The following PCDH15 variants were observed in gnomAD, a reference collection of about 807,000 sequenced individuals.
The protein encoded by PCDH15 is protocadherin-15.
Under a neutral mutation model 178.5 loss-of-function variants are expected in PCDH15, and 129 were observed. The ratio of observed to expected loss-of-function variants is 0.72; its 90% confidence interval spans 0.63 to 0.84. The LOEUF (loss-of-function observed/expected upper bound fraction) is 0.84, where lower values mean the gene tolerates loss of function less well. Ranked by LOEUF, PCDH15 falls within the 40% of genes least tolerant of loss-of-function variation. PCDH15 has a pLI of 0.00. For missense variants in PCDH15, 2,230 were observed against 2,099.9 expected (o/e 1.06, Z -1.21); for synonymous variants, 800 against 732.0 (o/e 1.09, Z -1.50).
intron 2 of PCDH15, among the ~76,000 whole-genome samples, chr10:55,081,426 A>G (rs10825458): frequency 0.082 from 12,395 of 152,082 alleles, 583 homozygotes; most frequent in East Asian, 0.22. Context: ...CCTACTTCCT[A>G]TTACCATTAC....
At chr10:55,433,050 AC>A (rs56730988) in intron 2 of PCDH15, among the ~76,000 whole-genome samples, 1,655 of 151,240 alleles carry the variant, frequency 0.011, 14 homozygotes, top group South Asian at 0.03. Context: ...ACAAAACAAA[AC>A]AAAACAAAAA....
At chr10:54,969,709 G>C (rs1049889575) in intron 2 of PCDH15, among the ~76,000 whole-genome samples, 2 of 152,140 alleles carry the variant, frequency 1.3e-5, no homozygotes, top group Admixed American at 6.6e-5. Context: ...CCTCTGAAAA[G>C]TAGCTCAAAA....
intron 2 of PCDH15, among the ~76,000 whole-genome samples, chr10:55,578,089 C>T (rs922878388): frequency 6.6e-6 from 1 of 151,986 alleles, no homozygotes; most frequent in Non-Finnish European, 1.5e-5. Context: ...ATACCCATGG[C>T]TTTAAAAAAA....
intron 27 of PCDH15, among the ~76,000 whole-genome samples, chr10:53,864,318 C>A (rs1483594744): frequency 6.6e-6 from 1 of 151,470 alleles, no homozygotes; most frequent in Non-Finnish European, 1.5e-5. Flanking sequence ...CCAATTAATG[C>A]CAACTTCCTA....
At chr10:54,584,961 C>A (rs779305389) in intron 2 of PCDH15, among the ~76,000 whole-genome samples, 4 of 152,032 alleles carry the variant, frequency 2.6e-5, no homozygotes, top group Non-Finnish European at 4.4e-5. Context: ...ATGTAACAAG[C>A]AAATGGTAGG....
At chr10:54,284,628 T>C (rs2058921158) in intron 8 of PCDH15, among the ~76,000 whole-genome samples, 2 of 152,202 alleles carry the variant, frequency 1.3e-5, no homozygotes, top group African/African-American at 4.8e-5. Context: ...AATTTTCAGA[T>C]AGAGTGTAAA....
intron 16 of PCDH15, among the ~76,000 whole-genome samples, chr10:54,087,851 A>G (rs1418318810): frequency 1.3e-5 from 2 of 152,066 alleles, no homozygotes; most frequent in Non-Finnish European, 2.9e-5. Flanking sequence ...ATGGTTGAGC[A>G]CCACCCTCCT....
intron 18 of PCDH15, among the ~76,000 whole-genome samples, chr10:54,037,201 A>G (rs1256277127): frequency 5.3e-5 from 8 of 152,002 alleles, no homozygotes; most frequent in Non-Finnish European, 1.0e-4. Context: ...CAGATAATTT[A>G]GAATATTTTA....
intron 1 of PCDH15, among the ~76,000 whole-genome samples, chr10:55,254,843 G>T (rs1841946277): frequency 6.6e-6 from 1 of 152,136 alleles, no homozygotes; most frequent in Non-Finnish European, 1.5e-5. Context: ...AAGAAGACAA[G>T]AATAATAGAA....
At chr10:55,089,140 C>T (rs1408368266) in intron 2 of PCDH15, among the ~76,000 whole-genome samples, 6 of 152,046 alleles carry the variant, frequency 3.9e-5, no homozygotes, top group Admixed American at 3.9e-4. Context: ...TTTAAATTGT[C>T]CAGTAGTTTA....
chr10:54,091,688 T>G (rs1254035220), intron 15 of PCDH15, among the ~76,000 whole-genome samples: 1 of 152,218 alleles, frequency 6.6e-6, no homozygotes. Flanking sequence ...AATCTGTCTC[T>G]CATAAAAGTG....
chr10:55,069,744 G>T (rs1411477016), intron 2 of PCDH15, among the ~76,000 whole-genome samples: 2 of 145,356 alleles, frequency 1.4e-5, no homozygotes, highest in East Asian at 2.1e-4. Flanking sequence ...ACATATGTGT[G>T]CATGTGTCTT....
In PCDH15 at chr10:53,835,044, G is replaced by T. The variant is rs141485492; in HGVS notation, c.3984-3511C>A. On this transcript the variant is annotated intron_variant, in intron 29 of 37. Transcript: ENST00000644397. ...TTTTCTGCTTAATCAAGCAAATCAT[G>T]GTTAGATCATCAACTATTTTCTTTT... Among the ~76,000 whole-genome samples, 1,008 of 152,214 alleles carry T rather than the reference G, an allele frequency of 6.6e-3. 12 individuals carry two copies. Among genetic ancestry groups the T allele is most frequent in the African/African-American group, 0.011 (449 of 41,518 alleles).
chr10:54,528,387 C>T (rs1304638227), intron 2 of PCDH15: 2 of 1,575,698 alleles, frequency 1.3e-6, no homozygotes, highest in Non-Finnish European at 1.7e-6. Context: ...TGTCATCTTA[C>T]CCTCATATTG....
At chr10:54,082,335 C>T (rs1035136425) in intron 16 of PCDH15, among the ~76,000 whole-genome samples, 1 of 152,082 alleles carries the variant, frequency 6.6e-6, no homozygotes, top group African/African-American at 2.4e-5. Flanking sequence ...CAAAAACTTG[C>T]CAGGAAAGTC....
chr10:54,255,044 A>G (rs573999540), intron 8 of PCDH15, among the ~76,000 whole-genome samples: 27 of 152,376 alleles, frequency 1.8e-4, no homozygotes, highest in African/African-American at 6.0e-4. Context: ...CATCTGTTAA[A>G]GTAATCACAC....
intron 18 of PCDH15, among the ~76,000 whole-genome samples, chr10:54,062,646 G>A (rs887544285): frequency 6.6e-6 from 1 of 151,862 alleles, no homozygotes; most frequent in South Asian, 2.1e-4. Context: ...ACCAGGCTAA[G>A]GTCCATATTT....
rs746430889 is a variant in PCDH15, at chr10:53,806,479, A to G, written c.*100T>C. 10 of 1,014,954 alleles carry G rather than the reference A, an allele frequency of 9.9e-6. No homozygotes were observed. Among genetic ancestry groups the G allele is most frequent in the Non-Finnish European group, 4.2e-6 (3 of 706,712 alleles). 62.9% of individuals were successfully genotyped at this position (1,014,954 alleles called of 1,614,324 possible). A position where few individuals can be genotyped will look rare whatever the true frequency, so the allele number is the denominator to read the frequency against. Reference sequence around the variant, plus strand: ...TTGTTCAAAGTTTTAGCTTGTGTGCATGATATAAATTCCATACATTGTTTT... The same window carrying G: ...TTGTTCAAAGTTTTAGCTTGTGTGCGTGATATAAATTCCATACATTGTTTT... On this transcript the variant is annotated 3_prime_UTR_variant, in exon 38 of 38. Coordinates refer to ENST00000644397, the MANE Select transcript of PCDH15 (RefSeq NM_001384140.1).
At chr10:55,417,849 A>C (rs1387619313) in intron 2 of PCDH15, among the ~76,000 whole-genome samples, 1 of 151,586 alleles carries the variant, frequency 6.6e-6, no homozygotes, top group Non-Finnish European at 1.5e-5. Context: ...TTAGAGTTGT[A>C]CTTCATGTTT....
Sources: gnomAD v4.1 joint callset for allele counts (sites outside exome capture counted in the v4.1 genomes callset) on GRCh38, gnomAD v4.1.1 for gene constraint, MANE v1.5 for transcripts, NCBI Gene and HGNC (gene_info 2026-07-23, HGNC 2026-07-21) for gene names.